The following LMCD1 variants were observed in gnomAD, a reference collection of about 807,000 sequenced individuals.
LMCD1 encodes the protein LIM and cysteine-rich domains protein 1.
A neutral mutation model predicts 42.7 loss-of-function variants in LMCD1; 32 were observed. The ratio of observed to expected loss-of-function variants is 0.75; its 90% CI spans 0.57 to 1.01. LMCD1 has a LOEUF of 1.01. Ranked by LOEUF, LMCD1 falls within the 50% of genes least tolerant of loss-of-function variation. LMCD1 has a pLI of 0.00. For missense variants in LMCD1, 458 were observed against 483.1 expected (o/e 0.95, Z 0.49); for synonymous variants, 178 against 184.9 (o/e 0.96, Z 0.30).
intron 3 of LMCD1, among the ~76,000 whole-genome samples, chr3:8,547,327 C>G (rs563601551): frequency 6.6e-6 from 1 of 152,154 alleles, no homozygotes; most frequent in African/African-American, 2.4e-5. Flanking sequence ...ATGGTACACA[C>G]GCACAGAAAA....
At chr3:8,528,209 C>T (rs1694335330) in intron 1 of LMCD1, among the ~76,000 whole-genome samples, 1 of 152,082 alleles carries the variant, frequency 6.6e-6, no homozygotes, top group African/African-American at 2.4e-5. Context: ...GTTTTAAGTA[C>T]TTTTCTAGGG....
In LMCD1 at chr3:8,549,030, A is replaced by G. The variant is rs547525743; in HGVS notation, c.723+127A>G. 5 of 673,258 alleles carry G rather than the reference A, an allele frequency of 7.4e-6. No homozygotes were observed. The East Asian group carries it at 8.7e-5, about 12-fold the overall frequency. 41.7% of individuals were successfully genotyped at this position (673,258 alleles called of 1,614,324 possible). ...ATTCATGAATTTGTGCATTCAGCAG[A>G]TATTGATTGCTCATTTAGTCTGTGC... On this transcript the variant is annotated intron_variant, in intron 4 of 5. Coordinates refer to ENST00000157600, the MANE Select transcript of LMCD1 (RefSeq NM_014583.4).
chr3:8,565,695 G>A, intron 5 of LMCD1, 48 bp downstream of exon 5: 1 of 1,509,978 alleles, frequency 6.6e-7, no homozygotes, highest in Non-Finnish European at 9.0e-7. Flanking sequence ...GGACACTGCT[G>A]AGGGTAAAAG....
chr3:8,535,746 C>G (rs1336834169), intron 2 of LMCD1, among the ~76,000 whole-genome samples: 1 of 152,210 alleles, frequency 6.6e-6, no homozygotes, highest in Non-Finnish European at 1.5e-5. Context: ...TCTCCCTGTC[C>G]CATCCCAACT....
chr3:8,504,910 G>A (rs1693846847), intron 1 of LMCD1, among the ~76,000 whole-genome samples: 1 of 152,228 alleles, frequency 6.6e-6, no homozygotes, highest in Non-Finnish European at 1.5e-5. Context: ...TTTGGCTTCA[G>A]ATCTGGTTTA....
chr3:8,502,921 T>C (rs952193791), intron 1 of LMCD1, among the ~76,000 whole-genome samples: 8 of 152,170 alleles, frequency 5.3e-5, no homozygotes, highest in Middle Eastern at 3.4e-3. Context: ...AGAGAGTTGG[T>C]TCTAACAGGC....
intron 1 of LMCD1, among the ~76,000 whole-genome samples, chr3:8,520,839 A>T (rs1007823744): frequency 6.6e-6 from 1 of 152,220 alleles, no homozygotes; most frequent in Non-Finnish European, 1.5e-5. Context: ...AGATTCATTA[A>T]AAGTCCACAA....
rs753112443 is a variant in LMCD1 at position 8,548,759 on chromosome 3, C to G, written c.579C>G (p.Ala193=). The change falls in exon 4 of 6, where the codon GCC becomes GCG. Residue 193 remains alanine (A), a synonymous_variant. Transcript: ENST00000157600. ...EEFVKQYKSE[A]LGVGEVALPG... is the part of the protein sequence containing the mutation. ...TTGTCAAGCAATATAAGAGCGAGGC[C>G]CTCGGCGTGGGAGAAGTGGCCCTCC... 2 of 1,613,356 alleles carry G rather than the reference C, an allele frequency of 1.2e-6. No individual in the cohort carries two copies. Among genetic ancestry groups the G allele is most frequent in the Non-Finnish European group, 1.7e-6 (2 of 1,179,370 alleles).
In LMCD1 at chr3:8,537,289, C is replaced by T. The variant is rs1331640367; in HGVS notation, c.236C>T (p.Ser79Phe). The change falls in exon 3 of 6, where the codon TCC becomes TTC. Residue 79 changes from serine (S) to phenylalanine (F), a missense_variant. Ser to Phe is a radical substitution (Grantham distance 155, BLOSUM62 -2). Coordinates refer to ENST00000157600, the MANE Select transcript of LMCD1 (RefSeq NM_014583.4). Reference protein sequence around the residue: ...IGRLLMDSKYSTLTARVKGGD... With the variant: ...IGRLLMDSKYFTLTARVKGGD... ...CGCTTGCTGATGGACTCCAAGTATT[C>T]CACCCTCACTGCTCGGGTGAAAGGC... is the stretch of plus-strand genomic sequence containing the variant. 5 of 1,614,106 alleles carry T rather than the reference C, an allele frequency of 3.1e-6. No homozygotes were observed. Among genetic ancestry groups the T allele is most frequent in the Non-Finnish European group, 4.2e-6 (5 of 1,180,014 alleles).
At chr3:8,543,566 T>G (rs192195036) in intron 3 of LMCD1, among the ~76,000 whole-genome samples, 145 of 152,274 alleles carry the variant, frequency 9.5e-4, no homozygotes, top group African/African-American at 3.4e-3. Context: ...CACTATAACC[T>G]TAAGCTCCTG....
intron 3 of LMCD1, among the ~76,000 whole-genome samples, chr3:8,538,781 A>AT (rs1364104844): frequency 4.0e-5 from 6 of 150,552 alleles, no homozygotes; most frequent in Non-Finnish European, 1.5e-5. Flanking sequence ...CTGTGCCTAG[A>AT]TATGAGGGCA....
chr3:8,557,818 G>T (rs1248290255), intron 4 of LMCD1, among the ~76,000 whole-genome samples: 1 of 152,234 alleles, frequency 6.6e-6, no homozygotes, highest in African/African-American at 2.4e-5. Context: ...GCAGGGTTCA[G>T]TGAGGACAGC....
chr3:8,551,060 T>C, intron 4 of LMCD1: 1 of 985,414 alleles, frequency 1.0e-6, no homozygotes, highest in Non-Finnish European at 1.2e-6. Context: ...AGAAAATAAG[T>C]AGGGATTCCA....
intron 3 of LMCD1, among the ~76,000 whole-genome samples, chr3:8,545,948 G>A (rs960142894): frequency 5.9e-5 from 9 of 152,132 alleles, no homozygotes; most frequent in African/African-American, 1.9e-4. Context: ...CCAACATGGC[G>A]AAACCCCGTC....
intron 3 of LMCD1, among the ~76,000 whole-genome samples, chr3:8,544,559 C>A (rs902858522): frequency 3.3e-5 from 5 of 152,282 alleles, no homozygotes; most frequent in South Asian, 2.1e-4. Context: ...CCTTTCTATG[C>A]TGTTTCCCAG....
intron 4 of LMCD1, among the ~76,000 whole-genome samples, chr3:8,557,464 A>G (rs1482050154): frequency 6.6e-6 from 1 of 152,160 alleles, no homozygotes; most frequent in African/African-American, 2.4e-5. Flanking sequence ...AGGCCTTTGG[A>G]TAAGAGCCTT....
chr3:8,562,959 C>T (rs1021999980), intron 4 of LMCD1, among the ~76,000 whole-genome samples: 2 of 152,208 alleles, frequency 1.3e-5, no homozygotes, highest in Non-Finnish European at 2.9e-5. Context: ...ACAACTGTCT[C>T]TGGAGCCCAG....
At chr3:8,535,022 G>A (rs192179721) in intron 2 of LMCD1, among the ~76,000 whole-genome samples, 99 of 152,246 alleles carry the variant, frequency 6.5e-4, no homozygotes, top group Middle Eastern at 3.4e-3. Flanking sequence ...AAAGCTATGC[G>A]CAGCCTCCTC....
At chr3:8,529,474 G>A (rs1180377770) in intron 1 of LMCD1, among the ~76,000 whole-genome samples, 2 of 150,366 alleles carry the variant, frequency 1.3e-5, no homozygotes, top group Non-Finnish European at 3.0e-5. Flanking sequence ...TAGGCCAGTC[G>A]CCTGTGTCTT....
Sources: allele counts gnomAD v4.1 joint callset (sites outside exome capture counted in the v4.1 genomes callset), GRCh38; gene constraint gnomAD v4.1.1; transcripts MANE v1.5; gene names NCBI Gene and HGNC (gene_info 2026-07-23, HGNC 2026-07-21).